TTN: variants seen among roughly 807,000 people sequenced by gnomAD.
TTN encodes connectin.
In TTN, 1,525 loss-of-function variants were observed where a neutral mutation model predicts 3,223.0. The observed-to-expected ratio is 0.47, with a 90% confidence interval of 0.45 to 0.49. TTN has a LOEUF of 0.49. TTN is among the 20% of genes least tolerant of loss of function. TTN has a pLI of 0.00. For synonymous variants in TTN, 14,094 were observed against 15,161.0 expected (o/e 0.93, Z 5.17); for missense variants, 40,786 against 43,424.0 (o/e 0.94, Z 5.40).
intron 29 of TTN, 89 bp downstream of exon 29, chr2:178,774,832 T>C: frequency 6.7e-7 from 1 of 1,485,764 alleles, no homozygotes; most frequent in East Asian, 2.3e-5. Context: ...AATTGTTTCA[T>C]GAAAGAAAAA....
chr2:178,640,672 T>C (rs2061130711), intron 220 of TTN, 42 bp from the exon 221 acceptor site: 1 of 1,463,346 alleles, frequency 6.8e-7, no homozygotes. Flanking sequence ...TATTTGAATA[T>C]TTAGGAAGCA....
chr2:178,782,166 G>GT, intron 20 of TTN, 46 bp downstream of exon 20: 1 of 1,605,396 alleles, frequency 6.2e-7, no homozygotes, highest in South Asian at 1.1e-5. Context: ...CTTCATGCAC[G>GT]TATTATACAA....
chr2:178,576,655 G>A lies in TTN; in HGVS notation c.69589C>T (p.Leu23197Phe), dbSNP rs2046500337. Residue 23197 changes from leucine (L) to phenylalanine (F), a missense_variant, in exon 325 of 363, where the codon CTC becomes TTC. By Grantham distance (22) the Leu-to-Phe change is conservative (BLOSUM62 0). Coordinates refer to ENST00000589042, the MANE Select transcript of TTN (RefSeq NM_001267550.2). The surrounding 1 kb of genome is among the most constrained non-coding windows in gnomAD (Gnocchi z 4.3). ...VRAIKTPVSD[L>F]RCKVTGLQEG... ...TGCAGTCCTGTTACTTTGCACCTGAGATCGGAAACTGGTGTTTTTATTGCT... is the reference window on the plus strand; with the variant it reads ...TGCAGTCCTGTTACTTTGCACCTGAAATCGGAAACTGGTGTTTTTATTGCT... 3 of 1,613,514 alleles carry A rather than the reference G, an allele frequency of 1.9e-6. No homozygotes were observed. In the African/African-American group the frequency reaches 4.0e-5, roughly 22 times the overall value.
chr2:178,566,790 C>T lies in TTN; in HGVS notation c.79342G>A (p.Val26448Met), dbSNP rs1380054566. 46 of 1,613,272 alleles carry T rather than the reference C, an allele frequency of 2.9e-5. No homozygotes were observed. The highest frequency in any genetic ancestry group is 3.9e-5 in the Non-Finnish European group (46 of 1,179,698). Residue 26448 changes from valine (V) to methionine (M), a missense_variant, in exon 326 of 363, where the codon GTG (valine) becomes ATG (methionine). Val to Met is a conservative substitution (Grantham distance 21). Coordinates refer to ENST00000589042, the MANE Select transcript of TTN (RefSeq NM_001267550.2). Reference sequence around the variant, plus strand: ...TCATGATCTTCTGTTAATCCTGTCACTCTTAGACGCAAATCTGTAATGCGG... The same window carrying T: ...TCATGATCTTCTGTTAATCCTGTCATTCTTAGACGCAAATCTGTAATGCGG... ...KRRITDLRLR[V>M]TGLTEDHEYE...
Position 178,553,745 on chromosome 2 carries a change from C to G in TTN, c.89260G>C (p.Gly29754Arg), listed in dbSNP as rs1208704177. 1 of 1,612,256 alleles carries G rather than the reference C, an allele frequency of 6.2e-7. No homozygotes were observed. Among genetic ancestry groups the G allele is most frequent in the East Asian group, 2.2e-5 (1 of 44,816 alleles). ...ADSTKSSITL[G>R]WSKPVYDGGS... ...CCATCATAGACAGGCTTACTCCAGC[C>G]AAGGGTGATGGATGACTTGGTTGAA... Residue 29754 changes from glycine to arginine, a missense_variant, in exon 334 of 363, where the codon GGC becomes CGC. Transcript: ENST00000589042.
At chr2:178,703,631 T>C (rs2075364655) in intron 106 of TTN, among the ~76,000 whole-genome samples, 2 of 152,202 alleles carry the variant, frequency 1.3e-5, no homozygotes, top group Admixed American at 1.3e-4. Context: ...ATTCTGAGAT[T>C]TCACTTAATT....
rs200086516 is a variant in TTN, at chr2:178,585,072, C to T, written c.64672G>A (p.Asp21558Asn). Reference sequence around the variant, plus strand: ...GCCATTTGTCTAATACTTAACTTACCCATGACTACAACTTTGATTTTCTGA... The same window carrying T: ...GCCATTTGTCTAATACTTAACTTACTCATGACTACAACTTTGATTTTCTGA... ...DTQKIKVVVM[D>N]APGPPQPPFD... The change falls in exon 309 of 363, where the codon GAT (aspartate) becomes AAT (asparagine). Residue 21558 changes from aspartate to asparagine, a missense_variant and splice_region_variant. Physicochemically the swap from Asp to Asn is conservative, Grantham distance 23 (BLOSUM62 1). Coordinates refer to ENST00000589042, the MANE Select transcript of TTN (RefSeq NM_001267550.2). The T allele has an allele frequency of 6.2e-7, 1 of 1,604,842 alleles. No homozygotes were observed. Among genetic ancestry groups the T allele is most frequent in the Non-Finnish European group, 8.5e-7 (1 of 1,175,702 alleles).
chr2:178,575,507 A>T lies in TTN; in HGVS notation c.70625T>A (p.Met23542Lys). The T allele has an allele frequency of 6.2e-7, 1 of 1,613,642 alleles. No homozygotes were observed. Among genetic ancestry groups the T allele is most frequent in the South Asian group, 1.1e-5 (1 of 91,072 alleles). Residue 23542 changes from methionine (M) to lysine (K), a missense_variant, in exon 326 of 363, where the codon ATG becomes AAG. Coordinates refer to ENST00000589042, the MANE Select transcript of TTN (RefSeq NM_001267550.2). The surrounding 1 kb of genome is among the most constrained non-coding windows in gnomAD (Gnocchi z 4.0). ...APSPPDSLNI[M>K]DITKSTVSLA... is the part of the protein sequence containing the mutation. ...GCTGACGGTGCTCTTAGTTATGTCC[A>T]TGATGTTAAGGCTGTCTGGTGGAGA...
intron 52 of TTN, 40 bp from the exon 53 acceptor site, chr2:178,733,932 C>T (rs756404888): frequency 3.3e-6 from 5 of 1,514,764 alleles, no homozygotes; most frequent in Non-Finnish European, 3.5e-6. Flanking sequence ...TATCAATTCC[C>T]AAACACTTTC....
chr2:178,694,063 A>T, intron 117 of TTN, 55 bp from the exon 118 acceptor site: 1 of 1,348,626 alleles, frequency 7.4e-7, no homozygotes, highest in Non-Finnish European at 1.0e-6. Flanking sequence ...AAGACATCAG[A>T]TCAAACACAT....
At chr2:178,679,853 A>C in intron 140 of TTN, 41 bp downstream of exon 140, 9 of 1,605,316 alleles carry the variant, frequency 5.6e-6, no homozygotes, top group Non-Finnish European at 7.6e-6. Flanking sequence ...CCAAACTCCA[A>C]AGATGCTGTT....
At chr2:178,757,328 C>G (rs1011472328) in intron 45 of TTN, among the ~76,000 whole-genome samples, 6 of 150,236 alleles carry the variant, frequency 4.0e-5, no homozygotes, top group African/African-American at 1.5e-4. Context: ...ATTATTGGTT[C>G]TCTAGTGCAT....
At chr2:178,735,202 C>T (rs2081240094) in intron 50 of TTN, among the ~76,000 whole-genome samples, 1 of 152,246 alleles carries the variant, frequency 6.6e-6, no homozygotes, top group South Asian at 2.1e-4. Context: ...AACAGACTAC[C>T]TACACAAAGA....
At position 178,548,667 on chromosome 2, in the gene TTN, T is replaced by A; in HGVS notation, c.92959A>T (p.Asn30987Tyr). 5.6e-6 allele frequency: 9 copies of A among 1,613,898 alleles called. No homozygotes were observed. The highest frequency in any genetic ancestry group is 7.6e-6 in the Non-Finnish European group (9 of 1,179,798). ...SFSTLTVENC[N>Y]RNDAGKYTLT... is the part of the protein sequence containing the mutation. Reference sequence around the variant, plus strand: ...GTATATTTCCCTGCATCATTTCTGTTGCAGTTTTCCACAGTGAGGGTGCTG... The same window carrying A: ...GTATATTTCCCTGCATCATTTCTGTAGCAGTTTTCCACAGTGAGGGTGCTG... Residue 30987 changes from asparagine to tyrosine, a missense_variant, in exon 339 of 363, where the codon AAC becomes TAC. Asn to Tyr is a moderately radical substitution (Grantham distance 143). Coordinates refer to ENST00000589042, the MANE Select transcript of TTN (RefSeq NM_001267550.2). The surrounding 1 kb of genome is among the most constrained non-coding windows in gnomAD (Gnocchi z 4.3).
At chr2:178,787,187 A>C (rs1387264333) in intron 13 of TTN, among the ~76,000 whole-genome samples, 4 of 152,186 alleles carry the variant, frequency 2.6e-5, no homozygotes, top group Admixed American at 2.0e-4. Context: ...TGCTACCTGC[A>C]TATCTTTAAA....
At chr2:178,688,867 C>T (rs565634278) in intron 125 of TTN, 89 bp from the exon 126 acceptor site, 5 of 1,178,868 alleles carry the variant, frequency 4.2e-6, no homozygotes, top group African/African-American at 1.5e-5. Context: ...GCACAGTACA[C>T]CACTTTGACT....
Position 178,575,498 on chromosome 2 carries a change from G to A in TTN, c.70634C>T (p.Thr23545Ile). Reference protein sequence around the residue: ...PPDSLNIMDITKSTVSLAWPK... With the variant: ...PPDSLNIMDIIKSTVSLAWPK... ...CCATGCCAGGCTGACGGTGCTCTTA[G>A]TTATGTCCATGATGTTAAGGCTGTC... is the stretch of plus-strand genomic sequence containing the variant. The change falls in exon 326 of 363, where the codon ACT (threonine) becomes ATT (isoleucine). Residue 23545 changes from threonine (T) to isoleucine (I), a missense_variant. Thr to Ile is a moderately conservative substitution (Grantham distance 89, BLOSUM62 -1). Coordinates refer to ENST00000589042, the MANE Select transcript of TTN (RefSeq NM_001267550.2). The surrounding 1 kb of genome is among the most constrained non-coding windows in gnomAD (Gnocchi z 4.0). 6.2e-7 allele frequency: 1 copy of A among 1,613,690 alleles called. No individual in the cohort carries two copies. Among genetic ancestry groups the A allele is most frequent in the Non-Finnish European group, 8.5e-7 (1 of 1,179,688 alleles).
Position 178,531,881 on chromosome 2 carries a change from C to T in TTN, c.104734G>A (p.Glu34912Lys), listed in dbSNP as rs375542215. 12 of 1,612,806 alleles carry T rather than the reference C, an allele frequency of 7.4e-6. No individual in the cohort carries two copies. The highest frequency in any genetic ancestry group is 1.0e-5 in the Non-Finnish European group (12 of 1,179,348). Residue 34912 changes from glutamate (E) to lysine (K), a missense_variant, in exon 358 of 363, where the codon GAG becomes AAG. Glu to Lys is a moderately conservative substitution (Grantham distance 56, BLOSUM62 1). Coordinates refer to ENST00000589042, the MANE Select transcript of TTN (RefSeq NM_001267550.2). Reference sequence around the variant, plus strand: ...GTTTTTAAAGCAGCTTTCATGGACTCATACCTGGAAAAGATATCAAATCTT... The same window carrying T: ...GTTTTTAAAGCAGCTTTCATGGACTTATACCTGGAAAAGATATCAAATCTT... Reference protein sequence around the residue: ...SARFDIFSRYESMKAALKTQK... With the variant: ...SARFDIFSRYKSMKAALKTQK...
At position 178,790,088 on chromosome 2, in the gene TTN, C is replaced by G. The variant is rs397517499; in HGVS notation, c.1828G>C (p.Val610Leu). 3 of 1,612,898 alleles carry G rather than the reference C, an allele frequency of 1.9e-6. No individual in the cohort carries two copies. Among genetic ancestry groups the G allele is most frequent in the African/African-American group, 2.7e-5 (2 of 75,004 alleles). ...GGTGTGGCAACTATGACTTTAGGTA[C>G]AACTGTTTTCCTAGTTTCCTTCATT... ...KIMKETRKTV[V>L]PKVIVATPKV... is the part of the protein sequence containing the mutation. The change falls in exon 12 of 363, where the codon GTA becomes CTA. Residue 610 changes from valine (V) to leucine (L), a missense_variant. Transcript: ENST00000589042.
Sources: allele counts gnomAD v4.1 joint callset (sites outside exome capture counted in the v4.1 genomes callset), GRCh38; gene constraint gnomAD v4.1.1; non-coding constraint Gnocchi (gnomAD v3.1); transcripts MANE v1.5; gene names NCBI Gene and HGNC (gene_info 2026-07-23, HGNC 2026-07-21).